The following TNPO1 variants were observed in gnomAD, a reference collection of about 807,000 sequenced individuals.
TNPO1 encodes transportin-1.
Under a neutral mutation model 119.5 loss-of-function variants are expected in TNPO1, and 8 were observed. The observed-to-expected ratio is 0.07, with a 90% CI of 0.04 to 0.12. The LOEUF is 0.12. TNPO1 is among the 10% of genes least tolerant of loss of function. TNPO1 has a pLI of 1.00. For missense variants in TNPO1, 576 were observed against 1,089.8 expected, an observed-to-expected ratio of 0.53 and a Z score of 6.64; for synonymous variants, 362 against 363.0, an observed-to-expected ratio of 1.00 and a Z score of 0.03.
At chr5:72,834,107 A>G (rs886589277) in intron 1 of TNPO1, among the ~76,000 whole-genome samples, 2 of 152,130 alleles carry the variant, frequency 1.3e-5, no homozygotes, top group Non-Finnish European at 2.9e-5. Flanking sequence ...TGATGCTGTA[A>G]TGCAATGCAT....
chr5:72,878,917 T>C, intron 9 of TNPO1: 1 of 511,980 alleles, frequency 2.0e-6, no homozygotes, highest in South Asian at 1.5e-5. Flanking sequence ...TCCAATGGTC[T>C]CAGCAGGAAG....
At chr5:72,829,045 G>A (rs1397458859) in intron 1 of TNPO1, among the ~76,000 whole-genome samples, 1 of 152,188 alleles carries the variant, frequency 6.6e-6, no homozygotes, top group Non-Finnish European at 1.5e-5. Flanking sequence ...GGATTCTTTT[G>A]TGATAGGGTT....
At chr5:72,873,677 G>A (rs1561332293) in intron 7 of TNPO1, among the ~76,000 whole-genome samples, 1 of 152,086 alleles carries the variant, frequency 6.6e-6, no homozygotes, top group Non-Finnish European at 1.5e-5. Flanking sequence ...ATAATGTAGT[G>A]GATAATACTA....
rs1314402402 is a variant in TNPO1, at chr5:72,905,372, C to G, written c.2659C>G (p.Pro887Ala). 1.2e-6 allele frequency: 2 copies of G among 1,611,734 alleles called. No homozygotes were observed. The highest frequency in any genetic ancestry group is 1.7e-6 in the Non-Finnish European group (2 of 1,179,636). ...GCGTTTCTCTGACCAGTTTCCTCTTCCCTTAAAAGAGCGTCTTGCAGCTTT... is the reference window on the plus strand; with the variant it reads ...GCGTTTCTCTGACCAGTTTCCTCTTGCCTTAAAAGAGCGTCTTGCAGCTTT... Reference protein sequence around the residue: ...WRRFSDQFPLPLKERLAAFYG... With the variant: ...WRRFSDQFPLALKERLAAFYG... Residue 887 changes from proline to alanine, a missense_variant, in exon 24 of 25, where the codon CCC becomes GCC. Coordinates refer to ENST00000337273, the MANE Select transcript of TNPO1 (RefSeq NM_002270.4).
At chr5:72,839,575 T>C (rs1412314064) in intron 1 of TNPO1, among the ~76,000 whole-genome samples, 4 of 152,228 alleles carry the variant, frequency 2.6e-5, no homozygotes, top group East Asian at 3.8e-4. Context: ...TAACTTTAAA[T>C]AGTATGTTCT....
intron 9 of TNPO1, among the ~76,000 whole-genome samples, chr5:72,877,933 G>C (rs1031513609): frequency 1.3e-5 from 2 of 152,048 alleles, no homozygotes; most frequent in African/African-American, 4.8e-5. Context: ...GAAGGAATTT[G>C]ATTTAATAAT....
intron 9 of TNPO1, among the ~76,000 whole-genome samples, chr5:72,878,235 A>G (rs1225126092): frequency 2.6e-5 from 4 of 152,096 alleles, no homozygotes; most frequent in Non-Finnish European, 5.9e-5. Context: ...CCTGGAGTGA[A>G]TATCTTTCTT....
Position 72,912,170 on chromosome 5 carries a change from T to G in TNPO1, c.*3497T>G, listed in dbSNP as rs193104008. 1 of 152,688 alleles carries G rather than the reference T, an allele frequency of 6.5e-6. No homozygotes were observed. Among genetic ancestry groups the G allele is most frequent in the African/African-American group, 2.4e-5 (1 of 41,586 alleles). 9.5% of individuals were successfully genotyped at this position (152,688 alleles called of 1,614,324 possible). ...AGCCAGTTCTGATGCTTTACATTAT[T>G]GCTACTTGATTTTGTTATGCAAGTT... On this transcript the variant is annotated 3_prime_UTR_variant, in exon 25 of 25. Transcript: ENST00000337273.
At position 72,913,359 on chromosome 5, in the gene TNPO1, T is replaced by C. The variant is rs1163637663; in HGVS notation, c.*4686T>C. On this transcript the variant is annotated 3_prime_UTR_variant, in exon 25 of 25. Transcript: ENST00000337273. ...TACGTAGATAATTCTTTATGCCTAG[T>C]TATTATACATATTAATTTTTAAGGT... The C allele has an allele frequency of 6.6e-6, 1 of 152,442 alleles. No homozygotes were observed. Among genetic ancestry groups the C allele is most frequent in the Admixed American group, 6.5e-5 (1 of 15,274 alleles). 9.4% of individuals were successfully genotyped at this position (152,442 alleles called of 1,614,324 possible). A position where few individuals can be genotyped will look rare whatever the true frequency, so the allele number is the denominator to read the frequency against.
intron 11 of TNPO1, among the ~76,000 whole-genome samples, chr5:72,884,645 C>A (rs1748487728): frequency 6.6e-6 from 1 of 152,176 alleles, no homozygotes; most frequent in Admixed American, 6.5e-5. Context: ...TGAACCTAAA[C>A]ACCTGTGTTC....
chr5:72,907,411 C>T (rs1006905196), intron 24 of TNPO1, among the ~76,000 whole-genome samples: 1 of 152,082 alleles, frequency 6.6e-6, no homozygotes, highest in African/African-American at 2.4e-5. Flanking sequence ...TTTATTCCTG[C>T]CTTTTTGTAC....
At chr5:72,884,921 C>A (rs944860098) in intron 11 of TNPO1, among the ~76,000 whole-genome samples, 2 of 152,116 alleles carry the variant, frequency 1.3e-5, no homozygotes, top group Non-Finnish European at 2.9e-5. Context: ...CAAAATCAAC[C>A]CCAGTTTAGA....
rs73098041 is a variant in TNPO1, at chr5:72,854,406, C to G, written c.206-1368C>G. 5.1e-3 allele frequency among the ~76,000 whole-genome samples: 778 copies of G among 152,282 alleles called. 6 individuals are homozygous for G. The highest frequency in any genetic ancestry group is 0.018 in the African/African-American group (741 of 41,558). On this transcript the variant is annotated intron_variant, in intron 3 of 24. Coordinates refer to ENST00000337273, the MANE Select transcript of TNPO1 (RefSeq NM_002270.4). ...CACTCTTGAAGATTTCAGTGCCATT[C>G]AGAGTTTGGGAACATCATACTAACT...
At chr5:72,865,759 A>G in intron 6 of TNPO1, 30 bp downstream of exon 6, 2 of 1,596,426 alleles carry the variant, frequency 1.3e-6, no homozygotes, top group Non-Finnish European at 1.7e-6. Flanking sequence ...TAATTGATTA[A>G]CTGTGATATA....
chr5:72,874,642 A>G (rs536715912), intron 7 of TNPO1, among the ~76,000 whole-genome samples: 28 of 152,284 alleles, frequency 1.8e-4, no homozygotes, highest in East Asian at 5.8e-4. Flanking sequence ...GGGGAAATCA[A>G]CATTTTAAAA....
intron 3 of TNPO1, among the ~76,000 whole-genome samples, chr5:72,852,052 A>G (rs532124245): frequency 2.0e-5 from 3 of 152,352 alleles, no homozygotes; most frequent in East Asian, 1.9e-4. Flanking sequence ...GATCTCTTCA[A>G]TTATATCCTT....
At chr5:72,903,627 TA>T in intron 22 of TNPO1, 81 bp from the exon 23 acceptor site, 2 of 867,044 alleles carry the variant, frequency 2.3e-6, no homozygotes, top group Non-Finnish European at 3.6e-6. Flanking sequence ...TATTGTGACA[TA>T]AACTCTGAGG....
chr5:72,894,947 G>A (rs1251349568), intron 18 of TNPO1, among the ~76,000 whole-genome samples: 2 of 152,000 alleles, frequency 1.3e-5, no homozygotes, highest in African/African-American at 2.4e-5. Context: ...TGTTTAAGAC[G>A]TACAAAAGTA....
chr5:72,851,528 T>C (rs1745560335), intron 3 of TNPO1, among the ~76,000 whole-genome samples: 1 of 152,222 alleles, frequency 6.6e-6, no homozygotes, highest in Non-Finnish European at 1.5e-5. Context: ...AGTCTCACTC[T>C]ATCACCCAGG....
Sources: gnomAD v4.1 joint callset for allele counts (sites outside exome capture counted in the v4.1 genomes callset) on GRCh38, gnomAD v4.1.1 for gene constraint, MANE v1.5 for transcripts, NCBI Gene and HGNC (gene_info 2026-07-23, HGNC 2026-07-21) for gene names.